Variants in TCP11L2 observed in about 807,000 individuals in gnomAD.
The protein encoded by TCP11L2 is t-complex 11 like 2.
TCP11L2 carries 39 observed loss-of-function variants against 50.7 expected under a neutral mutation model. That is an observed-to-expected ratio of 0.77 (90% CI 0.60 to 1.01). The LOEUF (loss-of-function observed/expected upper bound fraction) is 1.01. Ranked by LOEUF, TCP11L2 falls within the 50% of genes least tolerant of loss-of-function variation. The probability of loss-of-function intolerance (pLI) is 0.00; values close to 1 mark genes in which losing one functional copy is unlikely to be tolerated. For synonymous variants in TCP11L2, 192 were observed against 219.3 expected (o/e 0.88, Z 1.10); for missense variants, 612 against 614.7 (o/e 1.00, Z 0.05).
At chr12:106,330,342 C>A in intron 6 of TCP11L2, 1 of 984,788 alleles carries the variant, frequency 1.0e-6, no homozygotes, top group Non-Finnish European at 1.2e-6. Flanking sequence ...TGGTTCTCAA[C>A]GTGGTTCTCT....
chr12:106,329,920 G>C, intron 6 of TCP11L2: 1 of 985,752 alleles, frequency 1.0e-6, no homozygotes, highest in Non-Finnish European at 1.2e-6. Flanking sequence ...TTCTGGGGGT[G>C]GTGTTGCTTT....
At chr12:106,316,784 A>G (rs970159981) in intron 3 of TCP11L2, among the ~76,000 whole-genome samples, 36 of 152,180 alleles carry the variant, frequency 2.4e-4, no homozygotes, top group African/African-American at 8.2e-4. Flanking sequence ...CCCAGTTCCT[A>G]AAACAGGGCC....
chr12:106,315,849 T>C (rs2035060542), intron 3 of TCP11L2, among the ~76,000 whole-genome samples: 1 of 152,242 alleles, frequency 6.6e-6, no homozygotes, highest in Non-Finnish European at 1.5e-5. Flanking sequence ...GAAGCAAAGT[T>C]GGTTCGTGGA....
intron 7 of TCP11L2, 31 bp from the exon 8 acceptor site, chr12:106,335,997 CCTTT>C (rs1565858941): frequency 1.3e-6 from 2 of 1,539,362 alleles, no homozygotes; most frequent in Non-Finnish European, 8.7e-7. Context: ...ATTGAGCTAC[CCTTT>C]CTATTTTTAT....
At chr12:106,297,967 G>A (rs73388550), upstream of TCP11L2, among the ~76,000 whole-genome samples, 1 of 152,346 alleles carries the variant, frequency 6.6e-6, no homozygotes, top group African/African-American at 2.4e-5. Context: ...CAACAGTGGT[G>A]CCCAGGTAAG....
At position 106,321,518 on chromosome 12, in the gene TCP11L2, C is replaced by A. The variant is rs919210927; in HGVS notation, c.447C>A (p.Asn149Lys). The part of the protein sequence containing the change: ...ILLSFLTPGG[N>K]RLRNQICEVL... Reference sequence around the variant, plus strand: ...TCTCTTTTCTCACTCCCGGTGGCAACCGGCTTCGCAACCAAATCTGTGAAG... The same window carrying A: ...TCTCTTTTCTCACTCCCGGTGGCAAACGGCTTCGCAACCAAATCTGTGAAG... Residue 149 changes from asparagine to lysine, a missense_variant, in exon 5 of 10, where the codon AAC (asparagine) becomes AAA (lysine). Physicochemically the swap from Asn to Lys is moderately conservative, Grantham distance 94 (BLOSUM62 0). Transcript: ENST00000299045. 2 of 1,614,012 alleles carry A rather than the reference C, an allele frequency of 1.2e-6. No homozygotes were observed. Among genetic ancestry groups the A allele is most frequent in the Non-Finnish European group, 1.7e-6 (2 of 1,180,024 alleles).
At chr12:106,301,509 T>C (rs1227908915), upstream of TCP11L2, among the ~76,000 whole-genome samples, 4 of 152,242 alleles carry the variant, frequency 2.6e-5, no homozygotes, top group African/African-American at 9.6e-5. Flanking sequence ...TAGAGGAGTC[T>C]GTGTTGTAAC....
rs2035914113 is a variant in TCP11L2, at chr12:106,336,181, T to A, written c.1110T>A (p.Ile370=). 8 of 1,612,090 alleles carry A rather than the reference T, an allele frequency of 5.0e-6. No individual in the cohort carries two copies. Among genetic ancestry groups the A allele is most frequent in the Non-Finnish European group, 6.8e-6 (8 of 1,179,440 alleles). Residue 370 remains isoleucine, a synonymous_variant, in exon 8 of 10, where the codon ATT becomes ATA. Transcript: ENST00000299045. ...LPELASRLTR[I]SAVLLEGMNK... is the part of the protein sequence containing the mutation. Reference sequence around the variant, plus strand: ...AGCTTGCAAGCAGGTTAACAAGGATTTCAGCTGTTCTACTTGAAGGCATGA... The same window carrying A: ...AGCTTGCAAGCAGGTTAACAAGGATATCAGCTGTTCTACTTGAAGGCATGA...
At chr12:106,328,751 G>A (rs2035642773) in intron 6 of TCP11L2, among the ~76,000 whole-genome samples, 1 of 152,226 alleles carries the variant, frequency 6.6e-6, no homozygotes, top group Non-Finnish European at 1.5e-5. Flanking sequence ...AAGGATGGAG[G>A]AAGTTTGCAG....
intron 8 of TCP11L2, among the ~76,000 whole-genome samples, chr12:106,336,743 G>A (rs141757297): frequency 7.9e-5 from 12 of 152,002 alleles, no homozygotes; most frequent in East Asian, 1.9e-4. Context: ...AGTAGAGACC[G>A]GGTTTCACCA....
At chr12:106,340,034 C>T (rs1157448806) in intron 8 of TCP11L2, among the ~76,000 whole-genome samples, 1 of 152,190 alleles carries the variant, frequency 6.6e-6, no homozygotes, top group Non-Finnish European at 1.5e-5. Flanking sequence ...CACATAACAC[C>T]ATAGCTTATG....
Position 106,335,692 on chromosome 12 carries a change from T to C in TCP11L2, c.826T>C (p.Phe276Leu). 2.5e-6 allele frequency: 4 copies of C among 1,614,234 alleles called. No homozygotes were observed. Among genetic ancestry groups the C allele is most frequent in the Non-Finnish European group, 3.4e-6 (4 of 1,180,036 alleles). The change falls in exon 7 of 10, where the codon TTT becomes CTT. Residue 276 changes from phenylalanine (F) to leucine (L), a missense_variant. Physicochemically the swap from Phe to Leu is conservative, Grantham distance 22. Coordinates refer to ENST00000299045, the MANE Select transcript of TCP11L2 (RefSeq NM_152772.3). ...AAAAGAATCTGTAAATGAAGAATTA[T>C]TTTCTCTTTCTGAGAGTGCTTTAAC... ...WIKESVNEEL[F>L]SLSESALTPG...
rs1268769629 is a variant in TCP11L2 at position 106,318,371 on chromosome 12, T to A, written c.321T>A (p.Val107=). 3 of 1,613,890 alleles carry A rather than the reference T, an allele frequency of 1.9e-6. No individual in the cohort carries two copies. The highest frequency in any genetic ancestry group is 1.1e-5 in the South Asian group (1 of 91,086). ...TGGCTGGTCGAGTGAAGCACATTGT[T>A]CACCAGGCCTTCTGGGACGTCTTGG... is the stretch of plus-strand genomic sequence containing the variant. The part of the protein sequence containing the change: ...KSLAGRVKHI[V]HQAFWDVLDS... The change falls in exon 4 of 10, where the codon GTT becomes GTA. Residue 107 remains valine (V), a synonymous_variant. Transcript: ENST00000299045.
chr12:106,309,832 T>A (rs1226253436), intron 1 of TCP11L2, among the ~76,000 whole-genome samples: 1 of 152,048 alleles, frequency 6.6e-6, no homozygotes, highest in African/African-American at 2.4e-5. Context: ...ATTAATGGAA[T>A]CATTGAAGAA....
upstream of TCP11L2, among the ~76,000 whole-genome samples, chr12:106,300,665 G>C (rs900549951): frequency 6.6e-6 from 1 of 152,222 alleles, no homozygotes; most frequent in African/African-American, 2.4e-5. Context: ...GCCAAGGGCA[G>C]TTGGTCAGGT....
chr12:106,314,583 GAGAGAGAGAGAGAGAGAGAC>G (rs1376500142), intron 3 of TCP11L2, 90 bp downstream of exon 3: 9 of 379,778 alleles, frequency 2.4e-5, no homozygotes, highest in Non-Finnish European at 2.8e-5. Context: ...GTGTGAGAGA[GAGAGAGAGAGAGAGAGAGAC>G]AGAGAGAGAG....
chr12:106,328,544 AAAAACAAAAC>A (rs779921301), intron 6 of TCP11L2, among the ~76,000 whole-genome samples: 2 of 152,202 alleles, frequency 1.3e-5, no homozygotes, highest in African/African-American at 4.8e-5. Flanking sequence ...TGTCTGTCTC[AAAAACAAAAC>A]AAAACAAAAC....
At chr12:106,312,643 G>A (rs887174839) in intron 2 of TCP11L2, among the ~76,000 whole-genome samples, 1 of 152,122 alleles carries the variant, frequency 6.6e-6, no homozygotes. Flanking sequence ...AGCACTTTGA[G>A]AGGCTGAGGC....
chr12:106,312,313 G>A (rs1309767110), intron 2 of TCP11L2: 2 of 583,144 alleles, frequency 3.4e-6, no homozygotes, highest in Non-Finnish European at 5.3e-6. Flanking sequence ...ACATCTTACT[G>A]CATGAAGCCT....
Sources: gnomAD v4.1 joint callset for allele counts (sites outside exome capture counted in the v4.1 genomes callset) on GRCh38, gnomAD v4.1.1 for gene constraint, MANE v1.5 for transcripts, NCBI Gene and HGNC (gene_info 2026-07-23, HGNC 2026-07-21) for gene names.